PRAG1: variants seen among roughly 807,000 people sequenced by gnomAD.
The protein encoded by PRAG1 is PEAK1 related, kinase-activating pseudokinase 1, also known as inactive tyrosine-protein kinase PRAG1.
Under a neutral mutation model 95.6 loss-of-function variants are expected in PRAG1, and 110 were observed. The observed-to-expected ratio is 1.15, with a 90% CI of 0.99 to 1.35. The LOEUF (loss-of-function observed/expected upper bound fraction) is 1.35, where lower values mean the gene tolerates loss of function less well. Among genes scored for constraint, PRAG1 ranks in the 40% most tolerant of loss-of-function variants. The pLI is 0.00. For synonymous variants in PRAG1, 1,052 were observed against 819.4 expected, an observed-to-expected ratio of 1.28 and a Z score of -4.85; for missense variants, 2,554 against 1,864.7, an observed-to-expected ratio of 1.37 and a Z score of -6.81.
At chr8:8,349,104 C>T (rs1799437323) in intron 3 of PRAG1, among the ~76,000 whole-genome samples, 2 of 152,104 alleles carry the variant, frequency 1.3e-5, no homozygotes, top group Non-Finnish European at 2.9e-5. Flanking sequence ...TAGGTTGGTG[C>T]AAAAGTAATT....
At chr8:8,352,777 C>A (rs1260697655) in intron 3 of PRAG1, among the ~76,000 whole-genome samples, 3 of 152,088 alleles carry the variant, frequency 2.0e-5, no homozygotes, top group Non-Finnish European at 2.9e-5. Flanking sequence ...TGTTTTATAT[C>A]TTGAGTTTTT....
At position 8,376,270 on chromosome 8, in the gene PRAG1, A is replaced by T. The variant is rs754903403; in HGVS notation, c.2139T>A (p.Pro713=). The stretch of plus-strand genomic sequence containing the variant: ...ACCGCGACTTTGGAGGCGGAGGAGG[A>T]GGTGAGAATGTCTCAATCCCACTTC... The part of the protein sequence containing the change: ...KDRSGIETFS[P]PPPPPKSRHL... Residue 713 remains proline, a synonymous_variant, in exon 3 of 6, where the codon CCT becomes CCA. Coordinates refer to ENST00000615670, the MANE Select transcript of PRAG1 (RefSeq NM_001080826.3). The T allele has an allele frequency of 1.2e-6, 2 of 1,613,862 alleles. No homozygotes were observed. Among genetic ancestry groups the T allele is most frequent in the African/African-American group, 1.3e-5 (1 of 75,008 alleles).
intron 4 of PRAG1, among the ~76,000 whole-genome samples, chr8:8,334,492 G>C (rs7008882): frequency 0.025 from 3,717 of 151,562 alleles, 153 homozygotes; most frequent in African/African-American, 0.083. Flanking sequence ...GAAGATAAAC[G>C]TGTTCTGAAA....
At chr8:8,378,500 T>G (rs1420859618) in intron 2 of PRAG1, among the ~76,000 whole-genome samples, 1 of 152,132 alleles carries the variant, frequency 6.6e-6, no homozygotes, top group Non-Finnish European at 1.5e-5. Flanking sequence ...GTTTGTGGGT[T>G]TTTTGATAAC....
chr8:8,374,431 C>T (rs1005542035), intron 3 of PRAG1, among the ~76,000 whole-genome samples: 3 of 152,188 alleles, frequency 2.0e-5, no homozygotes, highest in African/African-American at 7.2e-5. Flanking sequence ...CCTTGATGTC[C>T]TGTAGGTTCA....
At chr8:8,373,885 A>G (rs1368037098) in intron 3 of PRAG1, among the ~76,000 whole-genome samples, 1 of 152,012 alleles carries the variant, frequency 6.6e-6, no homozygotes, top group Non-Finnish European at 1.5e-5. Context: ...GGGCCGAAAA[A>G]ACTCTGATCT....
intron 3 of PRAG1, among the ~76,000 whole-genome samples, chr8:8,364,652 C>T (rs116103868): frequency 0.014 from 2,067 of 151,524 alleles, 53 homozygotes; most frequent in African/African-American, 0.047. Flanking sequence ...CACTATATGG[C>T]AGGATTTCAA....
chr8:8,347,320 G>C (rs1799378541), intron 3 of PRAG1, among the ~76,000 whole-genome samples: 1 of 152,170 alleles, frequency 6.6e-6, no homozygotes, highest in Non-Finnish European at 1.5e-5. Flanking sequence ...GAATTCACCA[G>C]CTCAGAGCTC....
At chr8:8,351,731 A>T (rs1045817851) in intron 3 of PRAG1, among the ~76,000 whole-genome samples, 1 of 152,192 alleles carries the variant, frequency 6.6e-6, no homozygotes, top group Non-Finnish European at 1.5e-5. Flanking sequence ...CTTTCAGTAT[A>T]TAAAGATCTA....
chr8:8,355,427 T>C (rs535603876), intron 3 of PRAG1, among the ~76,000 whole-genome samples: 1 of 152,142 alleles, frequency 6.6e-6, no homozygotes, highest in South Asian at 2.1e-4. Context: ...AAAATTCATA[T>C]GGAATGACAA....
intron 3 of PRAG1, among the ~76,000 whole-genome samples, chr8:8,358,859 A>G (rs1585255725): frequency 6.6e-6 from 1 of 152,246 alleles, no homozygotes; most frequent in East Asian, 1.9e-4. Flanking sequence ...TTTCCTAAAT[A>G]GGTAAAGACA....
Position 8,318,457 on chromosome 8 carries a change from C to G in PRAG1, c.3918G>C (p.Leu1306=), listed in dbSNP as rs1282689581. Residue 1306 remains leucine, a synonymous_variant, in exon 6 of 6, where the codon CTG becomes CTC. Transcript: ENST00000615670. The surrounding 1 kb of genome is among the most constrained non-coding windows in gnomAD (Gnocchi z 4.2). ...GCTTGATGGGGTCGGCCTCCAGTAG[C>G]AGATGTGCCAGCTGCTGCAGGCCGG... ...YSPGLQQLAH[L]LLEADPIKRI... is the part of the protein sequence containing the mutation. 2.5e-6 allele frequency: 4 copies of G among 1,612,360 alleles called. No homozygotes were observed. Among genetic ancestry groups the G allele is most frequent in the Non-Finnish European group, 3.4e-6 (4 of 1,179,800 alleles).
chr8:8,385,739 C>G (rs991635456), intron 1 of PRAG1, among the ~76,000 whole-genome samples: 41 of 152,140 alleles, frequency 2.7e-4, no homozygotes, highest in African/African-American at 9.9e-4. Context: ...ATTCTATGTT[C>G]TAAGTGTGTG....
intron 3 of PRAG1, among the ~76,000 whole-genome samples, chr8:8,345,367 CAAAAAA>C (rs202100503): frequency 1.3e-5 from 1 of 79,090 alleles, no homozygotes; most frequent in African/African-American, 4.3e-5. Context: ...CCTGTCTCTA[CAAAAAA>C]AAAAAAAAAG....
chr8:8,351,438 T>G (rs1014458093), intron 3 of PRAG1, among the ~76,000 whole-genome samples: 3 of 152,218 alleles, frequency 2.0e-5, no homozygotes, highest in African/African-American at 7.2e-5. Flanking sequence ...TAATTCTTTT[T>G]GCTATCGACA....
At position 8,318,937 on chromosome 8, in the gene PRAG1, C is replaced by T; in HGVS notation, c.3438G>A (p.Leu1146=). 2 of 1,611,878 alleles carry T rather than the reference C, an allele frequency of 1.2e-6. No individual in the cohort carries two copies. Among genetic ancestry groups the T allele is most frequent in the East Asian group, 2.2e-5 (1 of 44,772 alleles). Reference sequence around the variant, plus strand: ...GCACCAGCAGCAGGTTCTCCAGGCACAGGTCCCGGTGGATGATCCCGTGCT... The same window carrying T: ...GCACCAGCAGCAGGTTCTCCAGGCATAGGTCCCGGTGGATGATCCCGTGCT... ...LKEHGIIHRD[L]CLENLLLVHC... is the part of the protein sequence containing the mutation. The change falls in exon 6 of 6, where the codon CTG becomes CTA. Residue 1146 remains leucine (L), a synonymous_variant. Coordinates refer to ENST00000615670, the MANE Select transcript of PRAG1 (RefSeq NM_001080826.3). This position sits in a 1 kb window ranked among gnomAD's most constrained non-coding sequence, Gnocchi z 4.2.
Position 8,377,042 on chromosome 8 carries a change from G to T in PRAG1, c.1367C>A (p.Ala456Glu). 1.9e-6 allele frequency: 3 copies of T among 1,613,998 alleles called. No individual in the cohort carries two copies. Residue 456 changes from alanine to glutamate, a missense_variant, in exon 3 of 6, where the codon GCA (alanine) becomes GAA (glutamate). By Grantham distance (107) the Ala-to-Glu change is moderately radical (BLOSUM62 -1). Transcript: ENST00000615670. Reference protein sequence around the residue: ...CTGNAWAQKAASGWGRDSPDP... With the variant: ...CTGNAWAQKAESGWGRDSPDP... ...TGGGCTGTCCCGGCCCCAGCCAGAT[G>T]CTGCTTTCTGGGCCCAGGCATTACC...
In PRAG1 at chr8:8,328,090, G is replaced by A. The variant is rs780128658; in HGVS notation, c.2692C>T (p.Leu898=). ...CCGCAGCCGCCTCTGTTGCCCGCCA[G>A]CCCTGCTGCCGGAAGCCAGTGGCCA... ...GSGHWLPAAG[L]AGNRGGCGSP... is the part of the protein sequence containing the mutation. The change falls in exon 5 of 6, where the codon CTG becomes TTG. Residue 898 remains leucine, a synonymous_variant. Coordinates refer to ENST00000615670, the MANE Select transcript of PRAG1 (RefSeq NM_001080826.3). 1.4e-5 allele frequency: 22 copies of A among 1,610,572 alleles called. No individual in the cohort carries two copies. The highest frequency in any genetic ancestry group is 5.1e-6 in the Non-Finnish European group (6 of 1,177,514).
In PRAG1 at chr8:8,318,495, A is replaced by T; in HGVS notation, c.3880T>A (p.Ser1294Thr). ...TGCTGCAGGCCGGGTGAGTAGAGGG[A>T]CAGCGCGGGCAGCGGCGGCAGGTCC... ...QEDLPPLPAL[S>T]LYSPGLQQLA... The change falls in exon 6 of 6, where the codon TCC (serine) becomes ACC (threonine). Residue 1294 changes from serine to threonine, a missense_variant. Transcript: ENST00000615670. The surrounding 1 kb of genome is among the most constrained non-coding windows in gnomAD (Gnocchi z 4.2). 6.2e-7 allele frequency: 1 copy of T among 1,612,408 alleles called. No individual in the cohort carries two copies. The highest frequency in any genetic ancestry group is 8.5e-7 in the Non-Finnish European group (1 of 1,179,766).
Sources: allele counts gnomAD v4.1 joint callset (sites outside exome capture counted in the v4.1 genomes callset), GRCh38; gene constraint gnomAD v4.1.1; non-coding constraint Gnocchi (gnomAD v3.1); transcripts MANE v1.5; gene names NCBI Gene and HGNC (gene_info 2026-07-23, HGNC 2026-07-21).